IKBKG: variants seen among roughly 807,000 people sequenced by gnomAD.
The protein encoded by IKBKG is NF-kappa-B essential modulator.
Under a neutral mutation model 13.7 loss-of-function variants are expected in IKBKG, and 2 were observed. The observed-to-expected ratio is 0.15, with a 90% CI of 0.06 to 0.46. The LOEUF is 0.46. Among genes scored for constraint, IKBKG ranks in the 20% least tolerant of loss-of-function variants. The probability of loss-of-function intolerance (pLI) is 0.98; values close to 1 mark genes in which losing one functional copy is unlikely to be tolerated. For missense variants in IKBKG, 53 were observed against 150.3 expected (o/e 0.35, Z 3.39); for synonymous variants, 22 against 64.4 (o/e 0.34, Z 3.15).
upstream of IKBKG, among the ~76,000 whole-genome samples, chrX:154,544,492 GCCATGTTGGC>G: frequency 8.9e-6 from 1 of 112,043 alleles, no homozygotes; most frequent in South Asian, 3.6e-4. Flanking sequence ...ACTGGGTTTC[GCCATGTTGGC>G]CAGGCTGGTG....
At chrX:154,541,857 A>G (rs1219118282) in intron 1 of IKBKG, among the ~76,000 whole-genome samples, 1 of 111,882 alleles carries the variant, frequency 8.9e-6, no homozygotes, top group Non-Finnish European at 1.9e-5. Flanking sequence ...TTGTCTTGGC[A>G]TGAGGGTTTC....
At chrX:154,542,271 T>A in intron 1 of IKBKG, 3 of 1,141,494 alleles carry the variant, frequency 2.6e-6, no homozygotes, top group Non-Finnish European at 2.4e-6. Context: ...CCCATGGCCC[T>A]TGTGATCCAG....
At chrX:154,552,478 G>A (rs2070960481) in intron 2 of IKBKG, among the ~76,000 whole-genome samples, 1 of 110,768 alleles carries the variant, frequency 9.0e-6, no homozygotes, top group Admixed American at 9.5e-5. Context: ...GAGCTCTGGA[G>A]CTGGAATGAA....
At chrX:154,541,836 C>T (rs1423044693) in intron 1 of IKBKG, among the ~76,000 whole-genome samples, 3 of 112,197 alleles carry the variant, frequency 2.7e-5, no homozygotes, top group Admixed American at 9.3e-5. Flanking sequence ...AAACCGAAAT[C>T]GCTGCAGCCC....
At chrX:154,546,732 G>T (rs2148352357), upstream of IKBKG, 1 of 959,124 alleles carries the variant, frequency 1.0e-6, no homozygotes, top group Non-Finnish European at 1.4e-6. Context: ...ACCGCCGCGC[G>T]GCGCAGCGCG....
upstream of IKBKG, chrX:154,547,391 T>C (rs2070773136): frequency 2.7e-6 from 2 of 754,196 alleles, no homozygotes; most frequent in Non-Finnish European, 3.1e-6. Context: ...GCCCCGAGGC[T>C]AGACGCCGCC....
At chrX:154,552,307 G>A in intron 2 of IKBKG, 118 bp downstream of exon 2, 1 of 536,108 alleles carries the variant, frequency 1.9e-6, no homozygotes, top group South Asian at 3.9e-5. Context: ...TTGGTTTCAG[G>A]AAGTAGACTC....
chrX:154,546,926 G>T, upstream of IKBKG: 1 of 583,966 alleles, frequency 1.7e-6, no homozygotes. Flanking sequence ...CCTCAGGCGA[G>T]GCGTGCGGGG....
intron 1 of IKBKG, chrX:154,548,006 CAT>C (rs2070802624): frequency 2.7e-6 from 2 of 753,579 alleles, no homozygotes; most frequent in African/African-American, 2.3e-5. Context: ...AGTTCAGAGA[CAT>C]ATTCTGTTCA....
At chrX:154,550,488 C>T (rs1438252678) in intron 1 of IKBKG, among the ~76,000 whole-genome samples, 1 of 104,628 alleles carries the variant, frequency 9.6e-6, no homozygotes, top group African/African-American at 3.5e-5. Context: ...TCTAATTAAG[C>T]ATCAAGATTG....
At chrX:154,545,236 G>C (rs1483192333), upstream of IKBKG, among the ~76,000 whole-genome samples, 7 of 111,441 alleles carry the variant, frequency 6.3e-5, no homozygotes, top group Admixed American at 6.7e-4. Flanking sequence ...CTACAAGCTG[G>C]ACAATTGGGG....
upstream of IKBKG, chrX:154,546,971 G>GCCT (rs2148353973): frequency 3.2e-6 from 1 of 309,026 alleles, no homozygotes; most frequent in East Asian, 6.9e-5. Flanking sequence ...TGCGGGCGGG[G>GCCT]CGGGGCGAGG....
Position 154,549,636 on chromosome X carries a change from C to T in IKBKG, c.-16+1891C>T, listed in dbSNP as rs913337378. 6.3e-5 allele frequency among the ~76,000 whole-genome samples: 7 copies of T among 111,337 alleles called. No homozygotes were observed. The East Asian group carries it at 2.0e-3, about 31-fold the overall frequency. ...ATCATTAGCATGTCACACAGTTCATCCATTTAAAGTGTACAATTCAATGGT... is the reference window on the plus strand; with the variant it reads ...ATCATTAGCATGTCACACAGTTCATTCATTTAAAGTGTACAATTCAATGGT... On this transcript the variant is annotated intron_variant, in intron 1 of 9. Coordinates refer to ENST00000594239, the MANE Select transcript of IKBKG (RefSeq NM_001099857.5).
chrX:154,563,180 C>T (rs1368989678), intron 7 of IKBKG, among the ~76,000 whole-genome samples: 14 of 29,813 alleles, frequency 4.7e-4, no homozygotes, highest in Non-Finnish European at 6.4e-4. Flanking sequence ...AGGCGCCTGC[C>T]GCCATGCCCG....
chrX:154,547,616 C>T, upstream of IKBKG: 1 of 754,944 alleles, frequency 1.3e-6, no homozygotes, highest in Non-Finnish European at 1.6e-6. Flanking sequence ...ACAGCTATGA[C>T]ACCGGAAGCC....
At chrX:154,545,309 CAAAGA>C (rs1475646663), upstream of IKBKG, among the ~76,000 whole-genome samples, 2 of 112,021 alleles carry the variant, frequency 1.8e-5, no homozygotes, top group East Asian at 5.6e-4. Context: ...AGACAGTGTT[CAAAGA>C]AAAGCTAAGT....
In IKBKG at chrX:154,554,962, C is replaced by G. The variant is rs781861418; in HGVS notation, c.188-1203C>G. On this transcript the variant is annotated intron_variant, in intron 2 of 9. Transcript: ENST00000594239. ...TTGGCACATCACTTATCAGTTTTGT[C>G]ACCTCAGATGGCTTCTTCACTACTT... Among the ~76,000 whole-genome samples, 4 of 111,286 alleles carry G rather than the reference C, an allele frequency of 3.6e-5. No homozygotes were observed. The South Asian group carries it at 1.5e-3, about 42-fold the overall frequency.
intron 1 of IKBKG, among the ~76,000 whole-genome samples, chrX:154,550,278 G>A (rs1260775044): frequency 9.7e-6 from 1 of 103,077 alleles, no homozygotes; most frequent in Non-Finnish European, 2.0e-5. Flanking sequence ...GTGTGTGTGT[G>A]AGAGAGAGAG....
chrX:154,547,467 C>G, upstream of IKBKG: 1 of 755,180 alleles, frequency 1.3e-6, no homozygotes, highest in Non-Finnish European at 1.6e-6. Context: ...CTTATCATTA[C>G]CGAGCTTCCG....
Sources: allele counts gnomAD v4.1 joint callset (sites outside exome capture counted in the v4.1 genomes callset), GRCh38; gene constraint gnomAD v4.1.1; transcripts MANE v1.5; gene names NCBI Gene and HGNC (gene_info 2026-07-23, HGNC 2026-07-21).